The following C3orf22 variants were observed in gnomAD, a reference collection of about 807,000 sequenced individuals.
The protein encoded by C3orf22 is chromosome 3 open reading frame 22, also known as uncharacterized protein C3orf22.
Under a neutral mutation model 10.8 loss-of-function variants are expected in C3orf22, and 7 were observed. That is an observed-to-expected ratio of 0.65 (90% CI 0.37 to 1.22). The LOEUF (loss-of-function observed/expected upper bound fraction) is 1.22, where lower values mean the gene tolerates loss of function less well. Ranked by LOEUF, C3orf22 falls within the 50% of genes most tolerant of loss-of-function variation. C3orf22 has a pLI of 0.02. For missense variants in C3orf22, 173 were observed against 177.0 expected (o/e 0.98, Z 0.13); for synonymous variants, 79 against 78.9 (o/e 1.00, Z 0.00).
At chr3:126,536,660 T>C (rs1226888587) in intron 4 of C3orf22, among the ~76,000 whole-genome samples, 1 of 151,606 alleles carries the variant, frequency 6.6e-6, no homozygotes. Flanking sequence ...AAGTTTACAG[T>C]CTCGTGGGAG....
intron 4 of C3orf22, chr3:126,542,453 C>G (rs1431270639): frequency 5.7e-6 from 9 of 1,567,792 alleles, no homozygotes; most frequent in South Asian, 1.2e-5. Flanking sequence ...CGCCGCCTCC[C>G]GCGACCTGGC....
intron 4 of C3orf22, among the ~76,000 whole-genome samples, chr3:126,544,003 T>C (rs557768654): frequency 1.3e-5 from 2 of 152,340 alleles, no homozygotes; most frequent in East Asian, 3.9e-4. Context: ...ATGGTTTGAA[T>C]ATTTGTCCCC....
chr3:126,527,188 T>A (rs1168551420), exon 6 of C3orf22: 1 of 152,298 alleles, frequency 6.6e-6, no homozygotes, highest in African/African-American at 2.4e-5. Flanking sequence ...GGCCTCTGCA[T>A]CCCATCCCAG....
At chr3:126,527,434 T>G (rs1032689709) in exon 6 of C3orf22, 2 of 152,318 alleles carry the variant, frequency 1.3e-5, no homozygotes, top group Non-Finnish European at 2.9e-5. Flanking sequence ...ATAGCCTCAC[T>G]CTCAGCTGCA....
exon 5 of C3orf22, chr3:126,529,355 G>A: frequency 2.3e-6 from 3 of 1,289,352 alleles, no homozygotes; most frequent in Non-Finnish European, 2.0e-6. Flanking sequence ...ATGGGTCAGT[G>A]AAATGGGGCC....
At chr3:126,553,471 G>C in intron 1 of C3orf22, 41 bp from the exon 2 acceptor site, 1 of 1,270,512 alleles carries the variant, frequency 7.9e-7, no homozygotes, top group South Asian at 1.2e-5. Context: ...CAGGGGTGGT[G>C]GGGGGCAGAA....
chr3:126,534,493 C>T (rs1936722541), intron 4 of C3orf22, among the ~76,000 whole-genome samples: 2 of 150,918 alleles, frequency 1.3e-5, no homozygotes, highest in South Asian at 2.1e-4. Context: ...TCCTTGTCCT[C>T]AGCTAGCAGA....
intron 4 of C3orf22, among the ~76,000 whole-genome samples, chr3:126,534,342 C>T (rs79807742): frequency 0.011 from 1,637 of 152,310 alleles, 18 homozygotes; most frequent in African/African-American, 0.037. Context: ...TATAGGTAAA[C>T]GGATTTTTAC....
intron 4 of C3orf22, among the ~76,000 whole-genome samples, chr3:126,539,840 A>C (rs1472676304): frequency 1.3e-5 from 1 of 77,632 alleles, no homozygotes; most frequent in African/African-American, 6.1e-5. Flanking sequence ...CACACACACC[A>C]CACACATCAC....
chr3:126,542,254 C>T (rs1488023416), intron 4 of C3orf22: 1 of 1,544,546 alleles, frequency 6.5e-7, no homozygotes, highest in Admixed American at 1.9e-5. Context: ...ACCTGCTGGA[C>T]CCGCGCACGC....
At chr3:126,536,344 C>G in intron 4 of C3orf22, 1 of 1,613,646 alleles carries the variant, frequency 6.2e-7, no homozygotes, top group East Asian at 2.2e-5. Flanking sequence ...AGCTCTATGA[C>G]CTGGATCAGG....
intron 2 of C3orf22, among the ~76,000 whole-genome samples, chr3:126,553,042 G>C (rs557991443): frequency 2.0e-3 from 305 of 152,350 alleles, no homozygotes; most frequent in Non-Finnish European, 3.7e-3. Flanking sequence ...TGCTCCTCGC[G>C]TGACTTGGGG....
chr3:126,551,048 C>T lies in C3orf22; in HGVS notation c.215+949G>A, dbSNP rs577845495. Among the ~76,000 whole-genome samples the T allele has an allele frequency of 5.3e-5, 8 of 152,348 alleles. No homozygotes were observed. The East Asian group carries it at 7.7e-4, about 15-fold the overall frequency. ...ATCTGATGCTCCTGTAGCCGAACTA[C>T]GGGGAGTGAGGCCTGGCAAAGGCCA... On this transcript the variant is annotated intron_variant, in intron 3 of 3. Coordinates refer to ENST00000318225, the MANE Select transcript of C3orf22 (RefSeq NM_152533.3).
chr3:126,536,479 C>A (rs1936793613), intron 4 of C3orf22: 1 of 678,470 alleles, frequency 1.5e-6, no homozygotes, highest in Non-Finnish European at 2.5e-6. Context: ...GCATCCTCCC[C>A]AAACCAGGCT....
intron 4 of C3orf22, chr3:126,541,995 G>A (rs769888325): frequency 1.2e-5 from 18 of 1,560,864 alleles, no homozygotes; most frequent in Admixed American, 1.9e-5. Flanking sequence ...GCGCCTGGCC[G>A]CCTGCCCTCA....
At position 126,542,036 on chromosome 3, in the gene C3orf22, C is replaced by T. The variant is rs753340766; in HGVS notation, c.286+7501G>A. On this transcript the variant is annotated intron_variant and NMD_transcript_variant, in intron 4 of 5. Transcript: ENST00000505070. ...CGACTTCAGCCCCGCCGAGATCAAC[C>T]GGCGCCTGCGCGCCTACTTGGCCTT... The T allele has an allele frequency of 6.4e-6, 10 of 1,572,986 alleles. No individual in the cohort carries two copies. The East Asian group carries it at 1.4e-4, about 22-fold the overall frequency.
intron 4 of C3orf22, chr3:126,542,721 C>A: frequency 8.0e-7 from 1 of 1,250,158 alleles, no homozygotes; most frequent in Non-Finnish European, 1.0e-6. Context: ...GGGCGCAGGG[C>A]ACACCTGGCC....
intron 1 of C3orf22, among the ~76,000 whole-genome samples, chr3:126,556,725 ACACAGACTCATACT>A (rs1448797894): frequency 6.6e-6 from 1 of 150,844 alleles, no homozygotes; most frequent in Admixed American, 6.6e-5. Flanking sequence ...CTGACCCCAC[ACACAGACTCATACT>A]CACAGACTCA....
At chr3:126,531,265 G>A (rs1421569039) in intron 4 of C3orf22, among the ~76,000 whole-genome samples, 2 of 152,212 alleles carry the variant, frequency 1.3e-5, no homozygotes, top group Non-Finnish European at 2.9e-5. Context: ...AGTTTAATGG[G>A]CCCCACACAA....
Sources: allele counts gnomAD v4.1 joint callset (sites outside exome capture counted in the v4.1 genomes callset), GRCh38; gene constraint gnomAD v4.1.1; transcripts MANE v1.5; gene names NCBI Gene and HGNC (gene_info 2026-07-23, HGNC 2026-07-21).